TGFBR3: variants seen among roughly 807,000 people sequenced by gnomAD.
TGFBR3 encodes transforming growth factor beta receptor type 3.
TGFBR3 carries 46 observed loss-of-function variants against 87.9 expected under a neutral mutation model. The observed-to-expected ratio is 0.52, with a 90% CI of 0.41 to 0.67. The LOEUF is 0.67. TGFBR3 is among the 30% of genes least tolerant of loss of function. The pLI is 0.00. For missense variants in TGFBR3, 866 were observed against 1,041.9 expected, an observed-to-expected ratio of 0.83 and a Z score of 2.32; for synonymous variants, 381 against 391.6, an observed-to-expected ratio of 0.97 and a Z score of 0.32.
rs71087974 is a variant in TGFBR3 at position 91,822,293 on chromosome 1, TAAA to T, written c.62-24825_62-24823del. ...CTGTAGGCTGAGAAGAGCAAAGCAT[TAAA>T]AAAAAAAAAAAAAAAAAAAAAAAAA... On this transcript the variant is annotated intron_variant, in intron 2 of 16. Coordinates refer to ENST00000212355, the MANE Select transcript of TGFBR3 (RefSeq NM_003243.5). 8.3e-3 allele frequency among the ~76,000 whole-genome samples: 775 copies of T among 93,178 alleles called. 7 individuals carry two copies. Among genetic ancestry groups the T allele is most frequent in the African/African-American group, 0.026 (500 of 19,080 alleles). The allele number at this position is 93,178 out of a possible 152,430, so 61.1% of individuals were successfully genotyped here.
intron 4 of TGFBR3, among the ~76,000 whole-genome samples, chr1:91,749,401 G>C (rs1462760903): frequency 6.6e-6 from 1 of 152,208 alleles, no homozygotes; most frequent in Non-Finnish European, 1.5e-5. Context: ...AGGACCCACA[G>C]TTGCAACAAA....
intron 2 of TGFBR3, among the ~76,000 whole-genome samples, chr1:91,817,684 T>C (rs2101052458): frequency 6.6e-6 from 1 of 152,308 alleles, no homozygotes; most frequent in South Asian, 2.1e-4. Context: ...TGTTGGCCCA[T>C]GTATTCCAGT....
At chr1:91,876,320 G>A (rs767467956) in intron 1 of TGFBR3, among the ~76,000 whole-genome samples, 6 of 152,206 alleles carry the variant, frequency 3.9e-5, no homozygotes, top group Non-Finnish European at 5.9e-5. Context: ...TCTTCTGGCA[G>A]TGGAAAGGAG....
At chr1:91,795,039 A>T (rs147950777) in intron 3 of TGFBR3, among the ~76,000 whole-genome samples, 1 of 152,324 alleles carries the variant, frequency 6.6e-6, no homozygotes, top group African/African-American at 2.4e-5. Flanking sequence ...ACCACAAACA[A>T]TCTTTCATTC....
chr1:91,875,910 C>CAAAAAAAAAAA (rs34185299), intron 1 of TGFBR3, among the ~76,000 whole-genome samples: 11 of 64,004 alleles, frequency 1.7e-4, no homozygotes, highest in South Asian at 1.2e-3. Flanking sequence ...GACTCCGTCT[C>CAAAAAAAAAAA]AAAAAAAAAA....
At chr1:91,782,067 A>G (rs1028353665) in intron 3 of TGFBR3, among the ~76,000 whole-genome samples, 1 of 152,240 alleles carries the variant, frequency 6.6e-6, no homozygotes, top group Non-Finnish European at 1.5e-5. Context: ...ACCTTATGAA[A>G]GCAGGAATCA....
chr1:91,702,475 T>C (rs1021002142), intron 14 of TGFBR3, among the ~76,000 whole-genome samples: 35 of 151,394 alleles, frequency 2.3e-4, no homozygotes, highest in African/African-American at 8.3e-4. Flanking sequence ...TGAAACCCCG[T>C]CTCTACTAAA....
intron 4 of TGFBR3, among the ~76,000 whole-genome samples, chr1:91,749,363 A>G (rs78852509): frequency 6.6e-6 from 1 of 152,182 alleles, no homozygotes; most frequent in Admixed American, 6.5e-5. Context: ...AGGCAAACCA[A>G]TGGTGACTCC....
chr1:91,801,597 A>G (rs1432895684), intron 2 of TGFBR3, among the ~76,000 whole-genome samples: 1 of 152,238 alleles, frequency 6.6e-6, no homozygotes, highest in Non-Finnish European at 1.5e-5. Flanking sequence ...ATGGATTGAC[A>G]GATGGAGAGA....
At chr1:91,787,354 A>G (rs911598906) in intron 3 of TGFBR3, among the ~76,000 whole-genome samples, 4 of 152,134 alleles carry the variant, frequency 2.6e-5, no homozygotes, top group Admixed American at 6.5e-5. Context: ...CATTTTACAG[A>G]TGAGGAAACA....
chr1:91,796,136 C>T (rs1293712006), intron 3 of TGFBR3, among the ~76,000 whole-genome samples: 2 of 152,098 alleles, frequency 1.3e-5, no homozygotes, highest in Non-Finnish European at 2.9e-5. Flanking sequence ...CCCTGGAGAG[C>T]GAATACCTGA....
At chr1:91,835,814 C>T (rs1216026833) in intron 2 of TGFBR3, among the ~76,000 whole-genome samples, 5 of 117,000 alleles carry the variant, frequency 4.3e-5, no homozygotes, top group Non-Finnish European at 6.6e-5. Flanking sequence ...GGTGACAGAG[C>T]GAGACTCCAC....
chr1:91,726,299 A>G (rs1021448611), intron 7 of TGFBR3, among the ~76,000 whole-genome samples: 2 of 152,210 alleles, frequency 1.3e-5, no homozygotes, highest in Admixed American at 6.5e-5. Flanking sequence ...TGCCTTTCAA[A>G]GCATGATTCC....
chr1:91,777,392 T>G (rs770951419), intron 3 of TGFBR3, among the ~76,000 whole-genome samples: 1 of 152,202 alleles, frequency 6.6e-6, no homozygotes, highest in Non-Finnish European at 1.5e-5. Flanking sequence ...GTCCTCAACA[T>G]ATTTCATACT....
intron 4 of TGFBR3, among the ~76,000 whole-genome samples, chr1:91,744,791 G>A (rs375309096): frequency 5.9e-5 from 9 of 152,262 alleles, no homozygotes; most frequent in Admixed American, 1.3e-4. Context: ...TATAAAGCTC[G>A]AATGAGATTG....
At chr1:91,854,277 A>G (rs1292079282) in intron 2 of TGFBR3, among the ~76,000 whole-genome samples, 1 of 152,136 alleles carries the variant, frequency 6.6e-6, no homozygotes, top group Non-Finnish European at 1.5e-5. Flanking sequence ...TCTAGGACTC[A>G]TGCCTTCCTC....
intron 9 of TGFBR3, 73 bp downstream of exon 9, chr1:91,719,820 A>G: frequency 2.0e-6 from 3 of 1,534,896 alleles, no homozygotes; most frequent in Middle Eastern, 1.7e-4. Context: ...ATAGGGAGAA[A>G]TTACAGATGC....
chr1:91,700,661 G>A (rs905037507), intron 14 of TGFBR3, among the ~76,000 whole-genome samples: 6 of 152,154 alleles, frequency 3.9e-5, no homozygotes, highest in Non-Finnish European at 7.4e-5. Flanking sequence ...ATCTAATTCA[G>A]TATGCAGAAC....
intron 2 of TGFBR3, among the ~76,000 whole-genome samples, chr1:91,854,894 G>A (rs967915197): frequency 1.3e-5 from 2 of 152,154 alleles, no homozygotes; most frequent in South Asian, 2.1e-4. Flanking sequence ...TAGAAATGAA[G>A]AAAATAGTGC....
Sources: allele counts gnomAD v4.1 joint callset (sites outside exome capture counted in the v4.1 genomes callset), GRCh38; gene constraint gnomAD v4.1.1; transcripts MANE v1.5; gene names NCBI Gene and HGNC (gene_info 2026-07-23, HGNC 2026-07-21).